SOX6: variants seen among roughly 807,000 people sequenced by gnomAD.
SOX6 encodes the protein transcription factor SOX-6.
A neutral mutation model predicts 97.8 loss-of-function variants in SOX6; 11 were observed. That is an observed-to-expected ratio of 0.11 (90% confidence interval 0.07 to 0.19). The LOEUF (loss-of-function observed/expected upper bound fraction) is 0.19. Ranked by LOEUF, SOX6 falls within the 10% of genes least tolerant of loss-of-function variation. SOX6 has a pLI of 1.00. For missense variants in SOX6, 810 were observed against 1,039.5 expected (o/e 0.78, Z 3.04); for synonymous variants, 360 against 371.4 (o/e 0.97, Z 0.35).
intron 4 of SOX6, among the ~76,000 whole-genome samples, chr11:16,211,676 G>T (rs12420519): frequency 0.48 from 72,374 of 151,722 alleles, 17,444 homozygotes; most frequent in South Asian, 0.61. Flanking sequence ...CAAGAAAAGA[G>T]CTAAGACCAG....
In SOX6 at chr11:16,464,672, T is replaced by A. The variant is rs139131514; in HGVS notation, c.-5+11643A>T. Among the ~76,000 whole-genome samples the A allele has an allele frequency of 7.8e-3, 1,188 of 152,284 alleles. 16 individuals carry two copies. Among genetic ancestry groups the A allele is most frequent in the African/African-American group, 0.027 (1,137 of 41,574 alleles). ...TATAAAGATGCTTCTTGGTCATAGT[T>A]ACAATGAATGAGAACTTTCTAAAGG... On this transcript the variant is annotated intron_variant, in intron 1 of 15. Transcript: ENST00000396356.
At chr11:16,488,825 A>C (rs1860472799) in intron 4 of SOX6, among the ~76,000 whole-genome samples, 1 of 152,146 alleles carries the variant, frequency 6.6e-6, no homozygotes, top group South Asian at 2.1e-4. Context: ...TTTAAAGTCC[A>C]GACAAGATCT....
intron 4 of SOX6, among the ~76,000 whole-genome samples, chr11:16,214,041 A>G (rs1196171287): frequency 6.6e-6 from 1 of 152,218 alleles, no homozygotes; most frequent in Non-Finnish European, 1.5e-5. Flanking sequence ...GATAATGGAA[A>G]TGTTCTACAT....
intron 1 of SOX6, among the ~76,000 whole-genome samples, chr11:16,384,444 G>A (rs193131810): frequency 4.5e-4 from 68 of 151,830 alleles, no homozygotes; most frequent in African/African-American, 1.3e-3. Flanking sequence ...ATAAACTCAC[G>A]TGAAAAAGAA....
At position 16,443,167 on chromosome 11, in the gene SOX6, A is replaced by G. The variant is rs76739233; in HGVS notation, c.-5+33148T>C. ...GGTAGCTCAAGTGTTAACCTACTCA[A>G]TGAAGCTTCCCCCCAGTTCTTCCGG... On this transcript the variant is annotated intron_variant, in intron 1 of 15. Coordinates refer to the SOX6 transcript ENST00000396356. 8.1e-3 allele frequency among the ~76,000 whole-genome samples: 1,232 copies of G among 152,264 alleles called. 17 individuals carry two copies. Among genetic ancestry groups the G allele is most frequent in the African/African-American group, 0.026 (1,095 of 41,536 alleles).
chr11:16,446,258 A>C (rs1232435183), intron 1 of SOX6, among the ~76,000 whole-genome samples: 1 of 152,038 alleles, frequency 6.6e-6, no homozygotes, highest in Non-Finnish European at 1.5e-5. Flanking sequence ...GAGAGGAAAG[A>C]AAGGAGAGGA....
chr11:16,193,710 A>G (rs1851693511), intron 4 of SOX6, among the ~76,000 whole-genome samples: 1 of 152,232 alleles, frequency 6.6e-6, no homozygotes, highest in African/African-American at 2.4e-5. Context: ...AGCAACATCA[A>G]TCAAGGAACT....
chr11:16,077,569 ATAG>A (rs1848385303), intron 9 of SOX6, among the ~76,000 whole-genome samples: 1 of 152,196 alleles, frequency 6.6e-6, no homozygotes, highest in South Asian at 2.1e-4. Context: ...AATGCCCGTC[ATAG>A]TAGACTTGAT....
chr11:16,475,696 T>C (rs1444246596), intron 1 of SOX6, among the ~76,000 whole-genome samples: 3 of 152,132 alleles, frequency 2.0e-5, no homozygotes, highest in African/African-American at 4.8e-5. Context: ...GTGAGAATTA[T>C]GAAAATGTAA....
At chr11:16,086,076 T>C (rs1488115062) in intron 9 of SOX6, among the ~76,000 whole-genome samples, 1 of 152,202 alleles carries the variant, frequency 6.6e-6, no homozygotes, top group African/African-American at 2.4e-5. Flanking sequence ...GAATCTTCTA[T>C]GGCACAACTT....
chr11:16,152,009 C>T (rs1191826378), intron 6 of SOX6, among the ~76,000 whole-genome samples: 1 of 152,048 alleles, frequency 6.6e-6, no homozygotes, highest in Non-Finnish European at 1.5e-5. Context: ...TTATTTATGA[C>T]ATAATAAGTT....
intron 12 of SOX6, among the ~76,000 whole-genome samples, chr11:16,031,954 G>A (rs1855387637): frequency 6.6e-6 from 1 of 152,082 alleles, no homozygotes; most frequent in Admixed American, 6.6e-5. Flanking sequence ...TTGAGACAGT[G>A]AAACAGACTT....
chr11:15,999,747 A>G (rs1854344490), intron 13 of SOX6, among the ~76,000 whole-genome samples: 1 of 152,190 alleles, frequency 6.6e-6, no homozygotes, highest in Admixed American at 6.6e-5. Flanking sequence ...AGAAAGAGAC[A>G]TAAGTATCAC....
intron 9 of SOX6, among the ~76,000 whole-genome samples, chr11:16,063,536 A>C: frequency 7.5e-5 from 7 of 93,956 alleles, no homozygotes; most frequent in African/African-American, 2.3e-4. Context: ...ATATATATAT[A>C]TATATATATA....
intron 3 of SOX6, among the ~76,000 whole-genome samples, chr11:16,630,769 C>T (rs954429152): frequency 6.6e-6 from 1 of 152,122 alleles, no homozygotes; most frequent in African/African-American, 2.4e-5. Context: ...GAGTGCTCCA[C>T]CATTGGATGT....
intron 3 of SOX6, among the ~76,000 whole-genome samples, chr11:16,671,782 T>C (rs1447986540): frequency 6.6e-6 from 1 of 152,218 alleles, no homozygotes; most frequent in African/African-American, 2.4e-5. Context: ...AACAGTCAGA[T>C]GTAGGAAATA....
At chr11:16,455,211 C>T (rs1859789614) in intron 1 of SOX6, among the ~76,000 whole-genome samples, 1 of 152,086 alleles carries the variant, frequency 6.6e-6, no homozygotes, top group South Asian at 2.1e-4. Flanking sequence ...GATTTCTTTA[C>T]TTCCTTTCAG....
rs114405761 is a variant in SOX6 at position 16,605,478 on chromosome 11, G to A, written n.609+6603C>T. 8.0e-3 allele frequency among the ~76,000 whole-genome samples: 1,214 copies of A among 152,276 alleles called. 12 individuals carry two copies. The highest frequency in any genetic ancestry group is 0.028 in the African/African-American group (1,150 of 41,562). On this transcript the variant is annotated intron_variant and non_coding_transcript_variant, in intron 4 of 5. Coordinates refer to the SOX6 transcript ENST00000524520. This position sits in a 1 kb window ranked among gnomAD's most constrained non-coding sequence, Gnocchi z 5.3. ...AAAGTACTGTCCAAAAACGGGGGGAGGGGGAAGGAAGGGCGACAAGCGGAG... is the reference window on the plus strand; with the variant it reads ...AAAGTACTGTCCAAAAACGGGGGGAAGGGGAAGGAAGGGCGACAAGCGGAG...
intron 6 of SOX6, among the ~76,000 whole-genome samples, chr11:16,157,578 C>G (rs1245862786): frequency 6.6e-6 from 1 of 151,968 alleles, no homozygotes; most frequent in African/African-American, 2.4e-5. Flanking sequence ...ATTCTCCACA[C>G]TCTCATCAGA....
Sources: gnomAD v4.1 joint callset for allele counts (sites outside exome capture counted in the v4.1 genomes callset) on GRCh38, gnomAD v4.1.1 for gene constraint, Gnocchi (gnomAD v3.1) non-coding constraint, MANE v1.5 for transcripts, NCBI Gene and HGNC (gene_info 2026-07-23, HGNC 2026-07-21) for gene names.